LDB2: variants seen among roughly 807,000 people sequenced by gnomAD.
LDB2 encodes the protein LIM domain-binding protein 2.
LDB2 carries 12 observed loss-of-function variants against 44.3 expected under a neutral mutation model. That is an observed-to-expected ratio of 0.27 (90% CI 0.17 to 0.44). The LOEUF is 0.44. Ranked by LOEUF, LDB2 falls within the 20% of genes least tolerant of loss-of-function variation. The pLI is 1.00. For synonymous variants in LDB2, 164 were observed against 174.8 expected (o/e 0.94, Z 0.49); for missense variants, 344 against 473.5 (o/e 0.73, Z 2.54).
Position 16,590,871 on chromosome 4 carries a change from C to T in LDB2, c.409-2039G>A, listed in dbSNP as rs577742962. On this transcript the variant is annotated intron_variant, in intron 3 of 7. Coordinates refer to ENST00000304523, the MANE Select transcript of LDB2 (RefSeq NM_001290.5). ...AGAAAAGGGAGAAGACTTCAGTTCC[C>T]CCAAACCTCTCCCCTTGAGCATCAT... Among the ~76,000 whole-genome samples the T allele has an allele frequency of 6.6e-5, 10 of 152,258 alleles. No homozygotes were observed. The South Asian group carries it at 1.9e-3, about 28-fold the overall frequency.
chr4:16,802,441 T>C (rs1778021268), intron 1 of LDB2, among the ~76,000 whole-genome samples: 1 of 152,138 alleles, frequency 6.6e-6, no homozygotes, highest in Admixed American at 6.5e-5. Context: ...AGAACTCCTA[T>C]GGATGGCGCT....
intron 2 of LDB2, among the ~76,000 whole-genome samples, chr4:16,648,137 A>G (rs183395611): frequency 3.3e-5 from 5 of 152,162 alleles, no homozygotes; most frequent in African/African-American, 9.7e-5. Flanking sequence ...GCTGATTTCA[A>G]TTGCTCTCCA....
intron 7 of LDB2, chr4:16,503,177 G>A (rs1717989741): frequency 6.5e-7 from 1 of 1,529,942 alleles, no homozygotes; most frequent in African/African-American, 1.4e-5. Flanking sequence ...AAAAATCCAT[G>A]CTTTCAACTT....
At chr4:16,549,699 T>A (rs1320384864) in intron 5 of LDB2, among the ~76,000 whole-genome samples, 4 of 152,210 alleles carry the variant, frequency 2.6e-5, no homozygotes, top group Non-Finnish European at 4.4e-5. Flanking sequence ...GTACTCTCAG[T>A]GTATACTATC....
intron 5 of LDB2, among the ~76,000 whole-genome samples, chr4:16,531,252 C>T (rs13110612): frequency 6.6e-6 from 1 of 152,182 alleles, no homozygotes; most frequent in East Asian, 1.9e-4. Context: ...GCTGATTAAA[C>T]AGCATGTTGC....
chr4:16,887,370 C>G (rs1456928117), intron 1 of LDB2, among the ~76,000 whole-genome samples: 1 of 152,208 alleles, frequency 6.6e-6, no homozygotes, highest in Non-Finnish European at 1.5e-5. Flanking sequence ...ACCATTCCAG[C>G]CCTGAAATTC....
At chr4:16,511,090 A>G (rs1721556817) in intron 6 of LDB2, among the ~76,000 whole-genome samples, 1 of 152,210 alleles carries the variant, frequency 6.6e-6, no homozygotes, top group Non-Finnish European at 1.5e-5. Flanking sequence ...AGCTTTCTAA[A>G]TATGTACTTG....
intron 1 of LDB2, among the ~76,000 whole-genome samples, chr4:16,764,858 G>A (rs1299899599): frequency 3.9e-5 from 6 of 152,156 alleles, no homozygotes; most frequent in Admixed American, 6.5e-5. Flanking sequence ...GCTATAAGCC[G>A]TTTTGATGAA....
At chr4:16,611,054 C>T (rs1725467338) in intron 2 of LDB2, among the ~76,000 whole-genome samples, 1 of 152,130 alleles carries the variant, frequency 6.6e-6, no homozygotes, top group South Asian at 2.1e-4. Context: ...GATTGGAGGC[C>T]AATATTCAAC....
chr4:16,577,415 C>G (rs1712119894), intron 5 of LDB2, among the ~76,000 whole-genome samples: 3 of 152,108 alleles, frequency 2.0e-5, no homozygotes, highest in Admixed American at 6.6e-5. Flanking sequence ...GTCAGTCCCA[C>G]TTTTCTATGC....
At chr4:16,774,927 G>T (rs1771567957) in intron 1 of LDB2, among the ~76,000 whole-genome samples, 1 of 152,146 alleles carries the variant, frequency 6.6e-6, no homozygotes, top group East Asian at 1.9e-4. Context: ...AACAAAATGT[G>T]GTATCTTCAG....
At chr4:16,817,700 T>A (rs1781209286) in intron 1 of LDB2, among the ~76,000 whole-genome samples, 1 of 152,208 alleles carries the variant, frequency 6.6e-6, no homozygotes, top group African/African-American at 2.4e-5. Context: ...ATTGACTTTC[T>A]TTAATCCTCA....
chr4:16,564,729 C>G (rs991358944), intron 5 of LDB2, among the ~76,000 whole-genome samples: 2 of 152,128 alleles, frequency 1.3e-5, no homozygotes, highest in Non-Finnish European at 2.9e-5. Context: ...AAAAAAATTA[C>G]CAGAAAGAAA....
At chr4:16,557,817 C>A (rs568284673) in intron 5 of LDB2, among the ~76,000 whole-genome samples, 1 of 152,202 alleles carries the variant, frequency 6.6e-6, no homozygotes, top group Admixed American at 6.5e-5. Flanking sequence ...AGGCACCCCC[C>A]AGTAGGGGCA....
intron 3 of LDB2, among the ~76,000 whole-genome samples, chr4:16,590,390 A>G (rs1264704352): frequency 6.6e-6 from 1 of 152,256 alleles, no homozygotes; most frequent in Non-Finnish European, 1.5e-5. Context: ...AAGTATTTGT[A>G]AAACTATAGT....
chr4:16,599,785 T>G (rs1417751659), intron 2 of LDB2, among the ~76,000 whole-genome samples: 1 of 152,208 alleles, frequency 6.6e-6, no homozygotes, highest in Non-Finnish European at 1.5e-5. Context: ...TCTGTAAACA[T>G]TCACTGAACC....
chr4:16,568,386 T>C (rs1261863893), intron 5 of LDB2, among the ~76,000 whole-genome samples: 1 of 152,158 alleles, frequency 6.6e-6, no homozygotes, highest in South Asian at 2.1e-4. Context: ...ATTCCTGAAA[T>C]AGGATAGAAA....
chr4:16,794,485 G>C (rs561151357), intron 1 of LDB2, among the ~76,000 whole-genome samples: 3 of 152,228 alleles, frequency 2.0e-5, no homozygotes, highest in South Asian at 2.1e-4. Flanking sequence ...GCAGGCCAAG[G>C]GTTCTGAGTT....
intron 1 of LDB2, among the ~76,000 whole-genome samples, chr4:16,885,314 A>C (rs556699260): frequency 6.6e-5 from 10 of 151,904 alleles, no homozygotes; most frequent in Non-Finnish European, 1.3e-4. Flanking sequence ...CAGCCTGGGG[A>C]GCAAGACGCT....
Sources: gnomAD v4.1 joint callset for allele counts (sites outside exome capture counted in the v4.1 genomes callset) on GRCh38, gnomAD v4.1.1 for gene constraint, MANE v1.5 for transcripts, NCBI Gene and HGNC (gene_info 2026-07-23, HGNC 2026-07-21) for gene names.